Variants in DPF3 observed in about 807,000 individuals in gnomAD.
DPF3 encodes zinc finger protein DPF3.
Under a neutral mutation model 56.8 loss-of-function variants are expected in DPF3, and 18 were observed. The observed-to-expected ratio is 0.32, with a 90% CI of 0.22 to 0.47. DPF3 has a LOEUF of 0.47. Among genes scored for constraint, DPF3 ranks in the 20% least tolerant of loss-of-function variants. The probability of loss-of-function intolerance (pLI) is 1.00; values close to 1 mark genes in which losing one functional copy is unlikely to be tolerated. For synonymous variants in DPF3, 188 were observed against 180.2 expected, an observed-to-expected ratio of 1.04 and a Z score of -0.35; for missense variants, 403 against 488.8, an observed-to-expected ratio of 0.82 and a Z score of 1.65.
chr14:72,864,158 C>T (rs1169515048), intron 1 of DPF3, among the ~76,000 whole-genome samples: 1 of 151,972 alleles, frequency 6.6e-6, no homozygotes, highest in Non-Finnish European at 1.5e-5. Flanking sequence ...ATACACACTC[C>T]CCAGGGCTCA....
At chr14:72,873,914 G>C (rs1886003618) in intron 1 of DPF3, among the ~76,000 whole-genome samples, 3 of 151,456 alleles carry the variant, frequency 2.0e-5, no homozygotes, top group African/African-American at 7.3e-5. Flanking sequence ...CACACACCGG[G>C]GCCTGTTGTG....
intron 1 of DPF3, among the ~76,000 whole-genome samples, chr14:72,875,848 T>A (rs1432358753): frequency 2.6e-5 from 4 of 151,970 alleles, no homozygotes; most frequent in East Asian, 1.9e-4. Context: ...AGCACTACCA[T>A]CAGAATAAAC....
At chr14:72,773,670 C>T (rs1283398539) in intron 1 of DPF3, 1 of 375,430 alleles carries the variant, frequency 2.7e-6, no homozygotes, top group South Asian at 2.1e-5. Flanking sequence ...CTTTCTATCT[C>T]TATGATTCTG....
chr14:72,756,077 C>T (rs533299571), intron 2 of DPF3, among the ~76,000 whole-genome samples: 2 of 152,008 alleles, frequency 1.3e-5, no homozygotes, highest in Non-Finnish European at 2.9e-5. Flanking sequence ...GGGAAATTAA[C>T]CTTGGGGAGT....
At chr14:72,648,569 GAAAAAAA>G (rs11348282) in intron 8 of DPF3, among the ~76,000 whole-genome samples, 6 of 92,906 alleles carry the variant, frequency 6.5e-5, no homozygotes, top group Non-Finnish European at 1.4e-4. Context: ...TCTCAAAAAA[GAAAAAAA>G]AAAAAAAAAA....
At chr14:72,811,420 A>C (rs952929801) in intron 1 of DPF3, among the ~76,000 whole-genome samples, 26 of 152,240 alleles carry the variant, frequency 1.7e-4, no homozygotes, top group Admixed American at 1.6e-3. Flanking sequence ...GCCAGCAGAG[A>C]GGCCTGGAAC....
chr14:72,623,909 T>A (rs765240155), intron 9 of DPF3, among the ~76,000 whole-genome samples: 1 of 152,096 alleles, frequency 6.6e-6, no homozygotes, highest in Non-Finnish European at 1.5e-5. Flanking sequence ...AATGTATAAA[T>A]ATATTTACAT....
chr14:72,759,216 A>G (rs903162154), intron 2 of DPF3, among the ~76,000 whole-genome samples: 2 of 152,216 alleles, frequency 1.3e-5, no homozygotes, highest in African/African-American at 4.8e-5. Context: ...GAAAAGACAG[A>G]TAAACTTGAA....
chr14:72,719,602 T>A (rs995084177), intron 5 of DPF3, among the ~76,000 whole-genome samples: 2 of 152,206 alleles, frequency 1.3e-5, no homozygotes, highest in Admixed American at 1.3e-4. Context: ...AATACTCACA[T>A]GGATGACTCA....
intron 1 of DPF3, among the ~76,000 whole-genome samples, chr14:72,848,646 G>A (rs35057339): frequency 0.012 from 1,888 of 152,296 alleles, 22 homozygotes; most frequent in Middle Eastern, 0.02. Flanking sequence ...ACACCATTAT[G>A]TAAAGCAGGT....
At chr14:72,721,023 A>C (rs767480378) in intron 5 of DPF3, among the ~76,000 whole-genome samples, 13 of 152,212 alleles carry the variant, frequency 8.5e-5, no homozygotes, top group Non-Finnish European at 1.8e-4. Context: ...AAGTCTTCAA[A>C]ATTTCATATT....
At chr14:72,655,616 G>A (rs1255129285) in intron 8 of DPF3, among the ~76,000 whole-genome samples, 1 of 152,182 alleles carries the variant, frequency 6.6e-6, no homozygotes, top group Non-Finnish European at 1.5e-5. Flanking sequence ...CATTTCTCTG[G>A]AGGAAAATGT....
Position 72,749,868 on chromosome 14 carries a change from A to G in DPF3, c.301+3396T>C, listed in dbSNP as rs566869608. ...GTTTAAAAAAAAAAAAGAAAAGAAAAGAAAAAAAAGTAAGAAAGAGAGAGA... is the reference window on the plus strand; with the variant it reads ...GTTTAAAAAAAAAAAAGAAAAGAAAGGAAAAAAAAGTAAGAAAGAGAGAGA... On this transcript the variant is annotated intron_variant, in intron 3 of 10. Transcript: ENST00000556509. 9.6e-3 allele frequency among the ~76,000 whole-genome samples: 796 copies of G among 82,602 alleles called. 10 individuals carry two copies. The highest frequency in any genetic ancestry group is 0.036 in the African/African-American group (741 of 20,804). The allele number at this position is 82,602 out of a possible 152,430, so 54.2% of individuals were successfully genotyped here.
intron 1 of DPF3, among the ~76,000 whole-genome samples, chr14:72,852,329 G>C (rs1398530560): frequency 1.3e-5 from 2 of 152,202 alleles, no homozygotes; most frequent in African/African-American, 4.8e-5. Flanking sequence ...AACTGGACTT[G>C]TGCTCAAAAA....
chr14:72,708,366 G>C (rs1888505921), intron 6 of DPF3, among the ~76,000 whole-genome samples: 1 of 152,128 alleles, frequency 6.6e-6, no homozygotes, highest in African/African-American at 2.4e-5. Context: ...TCAATCCCAT[G>C]CCACAAGCCC....
chr14:72,707,746 A>G (rs1267718371), intron 6 of DPF3, among the ~76,000 whole-genome samples: 2 of 151,996 alleles, frequency 1.3e-5, no homozygotes, highest in Non-Finnish European at 2.9e-5. Context: ...GAATACAGCA[A>G]AACAAATACA....
At chr14:72,653,191 C>T (rs1286025122) in intron 8 of DPF3, among the ~76,000 whole-genome samples, 1 of 152,234 alleles carries the variant, frequency 6.6e-6, no homozygotes, top group Non-Finnish European at 1.5e-5. Flanking sequence ...TCACTTAACC[C>T]TTCCGAGTGC....
intron 8 of DPF3, chr14:72,669,842 C>T: frequency 1.0e-6 from 1 of 968,042 alleles, no homozygotes; most frequent in Non-Finnish European, 1.2e-6. Flanking sequence ...GGAGTCCAAA[C>T]CCAGGAAAAC....
intron 9 of DPF3, among the ~76,000 whole-genome samples, chr14:72,622,125 G>T (rs1884488441): frequency 6.6e-6 from 1 of 152,182 alleles, no homozygotes; most frequent in East Asian, 1.9e-4. Context: ...CCCTTGAAAT[G>T]ATACACACAA....
Sources: gnomAD v4.1 joint callset for allele counts (sites outside exome capture counted in the v4.1 genomes callset) on GRCh38, gnomAD v4.1.1 for gene constraint, MANE v1.5 for transcripts, NCBI Gene and HGNC (gene_info 2026-07-23, HGNC 2026-07-21) for gene names.